The following ZCCHC14 variants were observed in gnomAD, a reference collection of about 807,000 sequenced individuals.
ZCCHC14 encodes zinc finger CCHC-type containing 14, also known as zinc finger CCHC domain-containing protein 14.
A neutral mutation model predicts 85.0 loss-of-function variants in ZCCHC14; 16 were observed. That is an observed-to-expected ratio of 0.19 (90% confidence interval 0.13 to 0.29). The LOEUF (loss-of-function observed/expected upper bound fraction) is 0.29. Ranked by LOEUF, ZCCHC14 falls within the 10% of genes least tolerant of loss-of-function variation. The pLI is 1.00. For missense variants in ZCCHC14, 1,303 were observed against 1,443.5 expected (o/e 0.90, Z 1.58); for synonymous variants, 775 against 630.7 (o/e 1.23, Z -3.43).
intron 2 of ZCCHC14, among the ~76,000 whole-genome samples, chr16:87,457,893 G>A (rs1195584132): frequency 6.6e-6 from 1 of 152,158 alleles, no homozygotes; most frequent in Non-Finnish European, 1.5e-5. Context: ...AATGGAGAAT[G>A]CTGCAGGTAA....
rs762461634 is a variant in ZCCHC14, at chr16:87,417,599, A to C, written c.1244T>G (p.Met415Arg). 2.3e-5 allele frequency: 37 copies of C among 1,614,110 alleles called. No homozygotes were observed. Among genetic ancestry groups the C allele is most frequent in the Non-Finnish European group, 2.5e-6 (3 of 1,180,032 alleles). ...AGSALAYRTQ[M>R]DTSPAILMPS... ...CATGAGGATGGCAGGTGATGTGTCC[A>C]TCTGGGTCCGGTAGGCCAGGGCTGA... Residue 415 changes from methionine to arginine, a missense_variant, in exon 8 of 13, where the codon ATG becomes AGG. Met to Arg is a moderately conservative substitution (Grantham distance 91, BLOSUM62 -1). Coordinates refer to ENST00000671377, the MANE Select transcript of ZCCHC14 (RefSeq NM_015144.3).
rs1567533720 is a variant in ZCCHC14, at chr16:87,460,047, C to A, written c.655G>T (p.Glu219Ter). The change falls in exon 2 of 13, where the codon GAG (glutamate) becomes TAG (stop). Residue 219 changes from glutamate (E) to a stop codon, truncating the protein, a stop_gained. Coordinates refer to ENST00000671377, the MANE Select transcript of ZCCHC14 (RefSeq NM_015144.3). LOFTEE classifies it high-confidence loss of function. ...ALHTSAHSTE[E>*]SLPKRPLGKH... ...CCTAAGGGCCTCTTGGGCAGCGACT[C>A]CTCCGTGGAATGTGCTGATGTGTGC... 6.2e-7 allele frequency: 1 copy of A among 1,614,118 alleles called. No homozygotes were observed. Among genetic ancestry groups the A allele is most frequent in the Admixed American group, 1.7e-5 (1 of 60,022 alleles).
chr16:87,418,990 CTT>C (rs1348780801), intron 6 of ZCCHC14, 89 bp from the exon 7 acceptor site: 15 of 1,271,226 alleles, frequency 1.2e-5, no homozygotes, highest in Non-Finnish European at 1.6e-5. Flanking sequence ...GTGTTTTGCT[CTT>C]GTTGCCCAGG....
chr16:87,449,592 G>C (rs141796473), intron 2 of ZCCHC14, among the ~76,000 whole-genome samples: 9 of 151,874 alleles, frequency 5.9e-5, no homozygotes, highest in African/African-American at 1.9e-4. Context: ...GTAGTTTTCC[G>C]CCAAATGTCT....
At chr16:87,425,642 A>T (rs182123603) in intron 3 of ZCCHC14, among the ~76,000 whole-genome samples, 1 of 152,302 alleles carries the variant, frequency 6.6e-6, no homozygotes, top group African/African-American at 2.4e-5. Flanking sequence ...TCTCTGCCTT[A>T]AATATTAAAA....
chr16:87,442,476 C>A (rs1487850131), intron 2 of ZCCHC14, among the ~76,000 whole-genome samples: 3 of 152,190 alleles, frequency 2.0e-5, no homozygotes, highest in Admixed American at 2.0e-4. Flanking sequence ...GCTACTGGCA[C>A]AATGCCCCAA....
chr16:87,432,615 G>A (rs149835578), intron 3 of ZCCHC14, among the ~76,000 whole-genome samples: 1 of 152,238 alleles, frequency 6.6e-6, no homozygotes, highest in Non-Finnish European at 1.5e-5. Flanking sequence ...GCTGTGAGAG[G>A]GAAATGGGCT....
chr16:87,436,717 G>A (rs909816141), intron 2 of ZCCHC14, among the ~76,000 whole-genome samples: 2 of 151,856 alleles, frequency 1.3e-5, no homozygotes, highest in East Asian at 3.9e-4. Flanking sequence ...ACGTACCCCA[G>A]AACTTAAAAG....
chr16:87,430,671 G>A (rs183041212), intron 3 of ZCCHC14, among the ~76,000 whole-genome samples: 7 of 152,072 alleles, frequency 4.6e-5, no homozygotes, highest in South Asian at 2.1e-4. Flanking sequence ...ACGGGTGCCC[G>A]CCACCGCGCC....
At chr16:87,448,351 C>T (rs373916444) in intron 2 of ZCCHC14, among the ~76,000 whole-genome samples, 1 of 152,156 alleles carries the variant, frequency 6.6e-6, no homozygotes, top group South Asian at 2.1e-4. Context: ...CCTTTGAAAA[C>T]GTGTAAGATC....
Position 87,423,628 on chromosome 16 carries a change from C to T in ZCCHC14, c.840+182G>A, listed in dbSNP as rs189909181. Among the ~76,000 whole-genome samples, 491 of 152,352 alleles carry T rather than the reference C, an allele frequency of 3.2e-3. 2 individuals carry two copies. The highest frequency in any genetic ancestry group is 5.5e-3 in the Non-Finnish European group (375 of 68,038). On this transcript the variant is annotated intron_variant, in intron 4 of 12. Transcript: ENST00000671377. ...GCATCCGCGGGGTCACGGACCTGTG[C>T]TCGCAGCAACGCTCATGTCAGCAGC...
Position 87,413,572 on chromosome 16 carries a change from GT to G in ZCCHC14, c.1604-378del, listed in dbSNP as rs981562784. Among the ~76,000 whole-genome samples the G allele has an allele frequency of 8.2e-3, 1,216 of 147,766 alleles. 17 individuals are homozygous for G. Among genetic ancestry groups the G allele is most frequent in the African/African-American group, 0.028 (1,124 of 40,578 alleles). On this transcript the variant is annotated intron_variant, in intron 10 of 12. Transcript: ENST00000671377. ...CACCACTTAAAATCCATCCTGCCAG[GT>G]TTTTTTTTTTCCCTCCTGAGCTACT...
chr16:87,432,302 C>T (rs1011634300), intron 3 of ZCCHC14, among the ~76,000 whole-genome samples: 4 of 152,174 alleles, frequency 2.6e-5, no homozygotes, highest in Admixed American at 2.0e-4. Context: ...CATTTCCCAG[C>T]CTTTTAGGCA....
intron 2 of ZCCHC14, among the ~76,000 whole-genome samples, chr16:87,437,415 C>A (rs1451540434): frequency 2.0e-5 from 3 of 151,706 alleles, no homozygotes; most frequent in African/African-American, 7.3e-5. Flanking sequence ...GCCAGAGGGA[C>A]CACAAAGACA....
chr16:87,420,913 CACAGTT>C lies in ZCCHC14; in HGVS notation c.841-203_841-198del, dbSNP rs1194242447. On this transcript the variant is annotated intron_variant, in intron 4 of 12. Coordinates refer to ENST00000671377, the MANE Select transcript of ZCCHC14 (RefSeq NM_015144.3). The surrounding 1 kb of genome is among the most constrained non-coding windows in gnomAD (Gnocchi z 5.0). ...GAAAGTCACAAAAGAACATCGCTCT[CACAGTT>C]ACATCCGGAAAAGCTTGACAATCTG... Among the ~76,000 whole-genome samples, 1 of 152,242 alleles carries C rather than the reference CACAGTT, an allele frequency of 6.6e-6. No individual in the cohort carries two copies. The highest frequency in any genetic ancestry group is 1.5e-5 in the Non-Finnish European group (1 of 68,042).
chr16:87,418,004 C>G, intron 7 of ZCCHC14: 3 of 481,080 alleles, frequency 6.2e-6, no homozygotes, highest in Middle Eastern at 5.2e-4. Context: ...ACACACATGC[C>G]TCTGCCCGTG....
chr16:87,458,667 T>C (rs908033646), intron 2 of ZCCHC14, among the ~76,000 whole-genome samples: 3 of 152,126 alleles, frequency 2.0e-5, no homozygotes, highest in African/African-American at 7.2e-5. Flanking sequence ...TTATGAAGCC[T>C]GTGGAAGGCA....
chr16:87,413,368 A>G (rs947022314), intron 10 of ZCCHC14, among the ~76,000 whole-genome samples, 173 bp from the exon 11 acceptor site: 8 of 152,170 alleles, frequency 5.3e-5, no homozygotes, highest in African/African-American at 1.9e-4. Context: ...TGCAGCAGAG[A>G]TTCAAATGGC....
chr16:87,410,265 T>A lies in ZCCHC14; in HGVS notation c.*15A>T, dbSNP rs1186783105. 1 of 766,190 alleles carries A rather than the reference T, an allele frequency of 1.3e-6. No homozygotes were observed. Among genetic ancestry groups the A allele is most frequent in the Admixed American group, 1.8e-5 (1 of 55,086 alleles). The allele number at this position is 766,190 out of a possible 1,614,324, so 47.5% of individuals were successfully genotyped here. On this transcript the variant is annotated 3_prime_UTR_variant, in exon 13 of 13. Transcript: ENST00000671377. Reference sequence around the variant, plus strand: ...TCTCCATGGCTTAATAACGTTCTGTTGCCAGAGAAAAATATCAATCTGTGG... The same window carrying A: ...TCTCCATGGCTTAATAACGTTCTGTAGCCAGAGAAAAATATCAATCTGTGG...
Sources: gnomAD v4.1 joint callset for allele counts (sites outside exome capture counted in the v4.1 genomes callset) on GRCh38, gnomAD v4.1.1 for gene constraint, Gnocchi (gnomAD v3.1) non-coding constraint, MANE v1.5 for transcripts, NCBI Gene and HGNC (gene_info 2026-07-23, HGNC 2026-07-21) for gene names.